IPO11: variants seen among roughly 807,000 people sequenced by gnomAD.
The protein encoded by IPO11 is importin 11.
In IPO11, 66 loss-of-function variants were observed where a neutral mutation model predicts 143.2. The observed-to-expected ratio is 0.46, with a 90% CI of 0.38 to 0.57. The LOEUF (loss-of-function observed/expected upper bound fraction) is 0.57. Ranked by LOEUF, IPO11 falls within the 20% of genes least tolerant of loss-of-function variation. The probability of loss-of-function intolerance (pLI) is 0.00; values close to 1 mark genes in which losing one functional copy is unlikely to be tolerated. For synonymous variants in IPO11, 385 were observed against 377.8 expected (o/e 1.02, Z -0.22); for missense variants, 1,026 against 1,141.0 (o/e 0.90, Z 1.45).
chr5:62,500,878 T>C (rs535972986), intron 16 of IPO11, among the ~76,000 whole-genome samples: 7 of 152,338 alleles, frequency 4.6e-5, no homozygotes, highest in African/African-American at 1.7e-4. Flanking sequence ...ATAGGTAATG[T>C]GATGTGTTTT....
intron 29 of IPO11, among the ~76,000 whole-genome samples, chr5:62,616,902 C>T (rs755489800): frequency 3.9e-5 from 6 of 152,092 alleles, no homozygotes; most frequent in East Asian, 1.9e-4. Flanking sequence ...ATTATTGATA[C>T]ACCATTTGAT....
At chr5:62,627,132 T>C in intron 29 of IPO11, 22 bp from the exon 30 acceptor site, 1 of 1,604,392 alleles carries the variant, frequency 6.2e-7, no homozygotes, top group South Asian at 1.1e-5. Context: ...TTGACAGTCT[T>C]GCTCCTCTCT....
At chr5:62,454,345 A>G (rs1243090381) in intron 5 of IPO11, among the ~76,000 whole-genome samples, 2 of 152,168 alleles carry the variant, frequency 1.3e-5, no homozygotes, top group African/African-American at 2.4e-5. Context: ...CCTCACCTCA[A>G]ACCCTTCACT....
Position 62,437,323 on chromosome 5 carries a change from C to T in IPO11, c.44C>T (p.Thr15Ile). Residue 15 changes from threonine to isoleucine, a missense_variant, in exon 2 of 30, where the codon ACA (threonine) becomes ATA (isoleucine). Thr to Ile is a moderately conservative substitution (Grantham distance 89). This residue lies in a region of IPO11 where 429 missense variants were observed against 456.3 expected (regional missense o/e 0.94). Transcript: ENST00000325324. ...SASTVVLQVL[T>I]QATSQDTAVL... is the part of the protein sequence containing the mutation. Reference sequence around the variant, plus strand: ...AGCACTGTTGTTCTTCAGGTGTTAACACAGGCCACCAGTCAGGATACTGCT... The same window carrying T: ...AGCACTGTTGTTCTTCAGGTGTTAATACAGGCCACCAGTCAGGATACTGCT... 6.2e-7 allele frequency: 1 copy of T among 1,612,150 alleles called. No individual in the cohort carries two copies. The highest frequency in any genetic ancestry group is 8.5e-7 in the Non-Finnish European group (1 of 1,178,868).
rs34906196 is a variant in IPO11, at chr5:62,537,217, A to G, written c.2178A>G (p.Ala726=). ...TTTTAATTGAATTTCAGACATACGC[A>G]GTAGGTCTATGCCAGTCCTTTTGTG... is the stretch of plus-strand genomic sequence containing the variant. The part of the protein sequence containing the change: ...LSSTEFLQTY[A]VGLCQSFCEL... Residue 726 remains alanine, a synonymous_variant, in exon 24 of 30, where the codon GCA becomes GCG. Coordinates refer to ENST00000325324, the MANE Select transcript of IPO11 (RefSeq NM_016338.5). 3,252 of 1,587,970 alleles carry G rather than the reference A, an allele frequency of 2.0e-3. 60 individuals are homozygous for G. The African/African-American group carries it at 0.04, about 19-fold the overall frequency.
At position 62,534,406 on chromosome 5, in the gene IPO11, A is replaced by T. The variant is rs1431656709; in HGVS notation, c.2090-2296A>T. On this transcript the variant is annotated intron_variant, in intron 22 of 29. Transcript: ENST00000325324. ...TAGATTCTCTATAACATAATTTAAT[A>T]ATTCACTCCCTTTCCTCCTTACAGA... Among the ~76,000 whole-genome samples, 3 of 152,194 alleles carry T rather than the reference A, an allele frequency of 2.0e-5. No homozygotes were observed. In the East Asian group the frequency reaches 5.8e-4, roughly 29 times the overall value.
chr5:62,487,709 A>T, intron 12 of IPO11, 62 bp from the exon 13 acceptor site: 1 of 1,336,690 alleles, frequency 7.5e-7, no homozygotes, highest in Non-Finnish European at 9.7e-7. Context: ...TGCTTTATTA[A>T]AGAATTAGTC....
intron 19 of IPO11, among the ~76,000 whole-genome samples, chr5:62,513,272 C>CT (rs1362416534): frequency 4.1e-4 from 55 of 135,532 alleles, no homozygotes; most frequent in African/African-American, 1.3e-3. Flanking sequence ...GCTGACCCCC[C>CT]CACCTCCCTC....
At chr5:62,532,826 TA>T (rs1262968048) in intron 22 of IPO11, among the ~76,000 whole-genome samples, 4 of 152,214 alleles carry the variant, frequency 2.6e-5, no homozygotes, top group Non-Finnish European at 4.4e-5. Context: ...TACTCCCATT[TA>T]AAAATTATCC....
chr5:62,535,105 G>A (rs1742692285), intron 22 of IPO11, among the ~76,000 whole-genome samples: 1 of 151,388 alleles, frequency 6.6e-6, no homozygotes, highest in Non-Finnish European at 1.5e-5. Flanking sequence ...CCTGGGCATG[G>A]CAGAGGCATG....
chr5:62,416,285 C>T (rs768914579), intron 1 of IPO11, among the ~76,000 whole-genome samples: 4 of 149,404 alleles, frequency 2.7e-5, no homozygotes, highest in South Asian at 4.2e-4. Flanking sequence ...CCGGTTCAAG[C>T]GATTCTCCTG....
chr5:62,538,128 G>A (rs1742800834), intron 24 of IPO11, among the ~76,000 whole-genome samples: 1 of 152,174 alleles, frequency 6.6e-6, no homozygotes, highest in Admixed American at 6.5e-5. Flanking sequence ...CAACAAAGTA[G>A]CATTATGGTG....
chr5:62,566,548 C>A (rs1379780376), intron 27 of IPO11, among the ~76,000 whole-genome samples: 1 of 151,848 alleles, frequency 6.6e-6, no homozygotes, highest in African/African-American at 2.4e-5. Flanking sequence ...ACCCGGGCAA[C>A]ACGGCAAAAC....
At chr5:62,465,708 A>C (rs1381459510) in intron 5 of IPO11, among the ~76,000 whole-genome samples, 2 of 152,250 alleles carry the variant, frequency 1.3e-5, no homozygotes, top group African/African-American at 2.4e-5. Flanking sequence ...ACCTGTTGTG[A>C]AGTATACACA....
At chr5:62,553,564 T>A (rs1166967508) in intron 26 of IPO11, among the ~76,000 whole-genome samples, 1 of 152,148 alleles carries the variant, frequency 6.6e-6, no homozygotes, top group Non-Finnish European at 1.5e-5. Flanking sequence ...TTGAGGAAAC[T>A]CATATTGTTC....
intron 8 of IPO11, among the ~76,000 whole-genome samples, chr5:62,475,823 G>A (rs1243447159): frequency 6.6e-6 from 1 of 152,146 alleles, no homozygotes; most frequent in Admixed American, 6.5e-5. Context: ...TATTTGTGTT[G>A]TATTTTACTG....
rs34906196 is a variant in IPO11, at chr5:62,537,217, A to C, written c.2178A>C (p.Ala726=). 1 of 1,587,996 alleles carries C rather than the reference A, an allele frequency of 6.3e-7. No individual in the cohort carries two copies. Among genetic ancestry groups the C allele is most frequent in the Non-Finnish European group, 8.6e-7 (1 of 1,159,496 alleles). The change falls in exon 24 of 30, where the codon GCA becomes GCC. Residue 726 remains alanine (A), a synonymous_variant. Coordinates refer to ENST00000325324, the MANE Select transcript of IPO11 (RefSeq NM_016338.5). ...LSSTEFLQTY[A]VGLCQSFCEL... ...TTTTAATTGAATTTCAGACATACGC[A>C]GTAGGTCTATGCCAGTCCTTTTGTG...
chr5:62,609,812 C>A (rs1332231797), intron 29 of IPO11, among the ~76,000 whole-genome samples: 1 of 152,188 alleles, frequency 6.6e-6, no homozygotes, highest in Non-Finnish European at 1.5e-5. Flanking sequence ...AATTCAGTGT[C>A]CTAATGTCCA....
At chr5:62,579,288 A>G (rs2112400696) in intron 27 of IPO11, 5 of 714,876 alleles carry the variant, frequency 7.0e-6, no homozygotes, top group Non-Finnish European at 1.2e-5. Context: ...ATGATTTATG[A>G]TAGTATTATT....
Sources: allele counts gnomAD v4.1 joint callset (sites outside exome capture counted in the v4.1 genomes callset), GRCh38; gene constraint gnomAD v4.1.1; regional missense constraint gnomAD v4.1.1; transcripts MANE v1.5; gene names NCBI Gene and HGNC (gene_info 2026-07-23, HGNC 2026-07-21).